The following STK39 variants were observed in gnomAD, a reference collection of about 807,000 sequenced individuals.
STK39 encodes serine/threonine kinase 39.
In STK39, 20 loss-of-function variants were observed where a neutral mutation model predicts 77.8. The ratio of observed to expected loss-of-function variants is 0.26; its 90% confidence interval spans 0.18 to 0.37. The LOEUF is 0.37. Among genes scored for constraint, STK39 ranks in the 10% least tolerant of loss-of-function variants. The probability of loss-of-function intolerance (pLI) is 1.00; values close to 1 mark genes in which losing one functional copy is unlikely to be tolerated. For missense variants in STK39, 479 were observed against 656.5 expected, an observed-to-expected ratio of 0.73 and a Z score of 2.95; for synonymous variants, 246 against 234.1, an observed-to-expected ratio of 1.05 and a Z score of -0.47.
At chr2:168,012,730 T>G in intron 15 of STK39, 28 bp from the exon 16 acceptor site, 1 of 1,587,248 alleles carries the variant, frequency 6.3e-7, no homozygotes, top group Non-Finnish European at 8.6e-7. Context: ...GAATATGTAT[T>G]AGTAACCATA....
At chr2:167,987,656 C>T (rs935802375) in intron 16 of STK39, among the ~76,000 whole-genome samples, 1 of 152,064 alleles carries the variant, frequency 6.6e-6, no homozygotes, top group Non-Finnish European at 1.5e-5. Flanking sequence ...TTAACAAAGA[C>T]CATACTGTGC....
intron 16 of STK39, among the ~76,000 whole-genome samples, chr2:167,987,273 T>C (rs985627902): frequency 2.0e-5 from 3 of 152,160 alleles, no homozygotes; most frequent in African/African-American, 7.2e-5. Context: ...CATAATCCTA[T>C]ACTTTTAGAG....
chr2:167,964,509 C>T (rs2105531323), intron 17 of STK39, 153 bp downstream of exon 17: 1 of 675,958 alleles, frequency 1.5e-6, no homozygotes, highest in South Asian at 1.8e-5. Flanking sequence ...TTCCCTAACG[C>T]TGCAGAGTCA....
At chr2:168,153,872 A>G (rs1343662315) in intron 5 of STK39, among the ~76,000 whole-genome samples, 1 of 152,208 alleles carries the variant, frequency 6.6e-6, no homozygotes, top group East Asian at 1.9e-4. Context: ...AGCCACCTTA[A>G]GGATTTTGAC....
intron 5 of STK39, among the ~76,000 whole-genome samples, chr2:168,152,660 A>AT (rs1032641906): frequency 6.6e-6 from 1 of 152,206 alleles, no homozygotes; most frequent in Non-Finnish European, 1.5e-5. Flanking sequence ...CAGTCCTCAG[A>AT]TGCTTCATCT....
intron 10 of STK39, among the ~76,000 whole-genome samples, chr2:168,122,685 T>A (rs1364021908): frequency 6.6e-6 from 1 of 152,004 alleles, no homozygotes; most frequent in African/African-American, 2.4e-5. Flanking sequence ...AATCCTCCCA[T>A]CTCAGCCTCT....
chr2:167,986,710 C>T (rs16854464), intron 16 of STK39, among the ~76,000 whole-genome samples: 5,576 of 152,144 alleles, frequency 0.037, 362 homozygotes, highest in African/African-American at 0.13. Context: ...GGTAAGAAAA[C>T]AGACAAGAAA....
At chr2:168,241,654 T>A (rs1223846766) in intron 1 of STK39, among the ~76,000 whole-genome samples, 3 of 152,164 alleles carry the variant, frequency 2.0e-5, no homozygotes, top group Non-Finnish European at 2.9e-5. Flanking sequence ...TCCTCCCTGC[T>A]AGAAACATAG....
At chr2:168,242,665 C>T (rs1690799261) in intron 1 of STK39, among the ~76,000 whole-genome samples, 1 of 147,340 alleles carries the variant, frequency 6.8e-6, no homozygotes. Flanking sequence ...CGGAGCATCG[C>T]TGAGCGGAGG....
intron 10 of STK39, among the ~76,000 whole-genome samples, chr2:168,085,603 A>G (rs1181746273): frequency 6.6e-6 from 1 of 152,238 alleles, no homozygotes; most frequent in Non-Finnish European, 1.5e-5. Context: ...CCACAGGATG[A>G]AACTTTTGGA....
chr2:168,049,330 G>C (rs1240515324), intron 14 of STK39, among the ~76,000 whole-genome samples: 1 of 152,162 alleles, frequency 6.6e-6, no homozygotes, highest in African/African-American at 2.4e-5. Flanking sequence ...TTCTTACCAG[G>C]TTGCCTCCTG....
intron 12 of STK39, among the ~76,000 whole-genome samples, chr2:168,071,661 C>T (rs1468673583): frequency 1.3e-5 from 2 of 151,988 alleles, no homozygotes; most frequent in South Asian, 2.1e-4. Context: ...GCTGGCAGAT[C>T]ACGAGGTCAG....
chr2:168,199,069 G>A (rs1197224803), intron 1 of STK39, among the ~76,000 whole-genome samples: 1 of 152,194 alleles, frequency 6.6e-6, no homozygotes, highest in African/African-American at 2.4e-5. Context: ...AAAAGTAGCA[G>A]GGGGCGGGGG....
At chr2:167,977,847 A>G (rs1240874320) in intron 16 of STK39, among the ~76,000 whole-genome samples, 1 of 152,138 alleles carries the variant, frequency 6.6e-6, no homozygotes, top group Non-Finnish European at 1.5e-5. Flanking sequence ...GGTAATTCAC[A>G]GAGTTGGCTG....
intron 2 of STK39, among the ~76,000 whole-genome samples, chr2:168,172,849 G>A (rs1462582081): frequency 6.6e-6 from 1 of 152,198 alleles, no homozygotes; most frequent in Non-Finnish European, 1.5e-5. Flanking sequence ...ATTGTATGCA[G>A]TTAAATCTGA....
chr2:168,120,350 C>A (rs2105487709), intron 10 of STK39, among the ~76,000 whole-genome samples: 1 of 152,332 alleles, frequency 6.6e-6, no homozygotes, highest in South Asian at 2.1e-4. Context: ...AGCTTCATGA[C>A]CTTTCCCGTA....
intron 14 of STK39, among the ~76,000 whole-genome samples, chr2:168,057,518 G>A (rs1263616343): frequency 6.6e-6 from 1 of 151,992 alleles, no homozygotes; most frequent in Non-Finnish European, 1.5e-5. Flanking sequence ...TAAATGTTGT[G>A]TTTCCTTAAT....
intron 8 of STK39, among the ~76,000 whole-genome samples, chr2:168,132,635 C>T (rs1687728838): frequency 6.6e-6 from 1 of 152,186 alleles, no homozygotes; most frequent in African/African-American, 2.4e-5. Flanking sequence ...GCTCATCAGT[C>T]AAGAGCCAAT....
chr2:168,152,740 A>G (rs913261782), intron 5 of STK39, among the ~76,000 whole-genome samples: 1 of 152,224 alleles, frequency 6.6e-6, no homozygotes, highest in Non-Finnish European at 1.5e-5. Flanking sequence ...TTATACAGGT[A>G]TTATTGTTTC....
Sources: allele counts gnomAD v4.1 joint callset (sites outside exome capture counted in the v4.1 genomes callset), GRCh38; gene constraint gnomAD v4.1.1; transcripts MANE v1.5; gene names NCBI Gene and HGNC (gene_info 2026-07-23, HGNC 2026-07-21).